FRMD3: variants seen among roughly 807,000 people sequenced by gnomAD.
FRMD3 encodes the protein FERM domain containing 3, also known as FERM domain-containing protein 3.
FRMD3 carries 33 observed loss-of-function variants against 70.2 expected under a neutral mutation model. The observed-to-expected ratio is 0.47, with a 90% CI of 0.36 to 0.63. The LOEUF is 0.63. Ranked by LOEUF, FRMD3 falls within the 20% of genes least tolerant of loss-of-function variation. The probability of loss-of-function intolerance (pLI) is 0.00; values close to 1 mark genes in which losing one functional copy is unlikely to be tolerated. For missense variants in FRMD3, 632 were observed against 711.4 expected, an observed-to-expected ratio of 0.89 and a Z score of 1.27; for synonymous variants, 279 against 255.9, an observed-to-expected ratio of 1.09 and a Z score of -0.86.
chr9:83,496,160 T>G (rs1395581591), intron 1 of FRMD3, among the ~76,000 whole-genome samples: 1 of 152,242 alleles, frequency 6.6e-6, no homozygotes, highest in Non-Finnish European at 1.5e-5. Flanking sequence ...ACACAAATTT[T>G]TTAATGGTAA....
Position 83,537,995 on chromosome 9 carries a change from G to A in FRMD3, c.147+90C>T, listed in dbSNP as rs1829936328. On this transcript the variant is annotated intron_variant, in intron 1 of 13. Transcript: ENST00000304195. The surrounding 1 kb of genome is among the most constrained non-coding windows in gnomAD (Gnocchi z 4.1). ...AGCAGTCCCCCAATCCCCTCCGGGAGTGGGTTCCTTGTTCTCGCATGCCCA... is the reference window on the plus strand; with the variant it reads ...AGCAGTCCCCCAATCCCCTCCGGGAATGGGTTCCTTGTTCTCGCATGCCCA... 2 of 1,426,094 alleles carry A rather than the reference G, an allele frequency of 1.4e-6. No homozygotes were observed. The highest frequency in any genetic ancestry group is 1.9e-6 in the Non-Finnish European group (2 of 1,035,670). The allele number at this position is 1,426,094 out of a possible 1,614,324, so 88.3% of individuals were successfully genotyped here.
chr9:83,503,820 C>G (rs757907107), intron 1 of FRMD3, among the ~76,000 whole-genome samples: 4 of 152,186 alleles, frequency 2.6e-5, no homozygotes, highest in Non-Finnish European at 5.9e-5. Context: ...TCAGAGAAGC[C>G]TGAGGAAAGC....
At chr9:83,551,285 T>G in the FRMD3 span, among the ~76,000 whole-genome samples, 1 of 152,358 alleles carries the variant, frequency 6.6e-6, no homozygotes, top group South Asian at 2.1e-4. Flanking sequence ...ATTTATTGAT[T>G]GTTGTATGTT....
the FRMD3 span, among the ~76,000 whole-genome samples, chr9:83,581,840 T>C: frequency 6.6e-6 from 1 of 152,302 alleles, no homozygotes; most frequent in Non-Finnish European, 1.5e-5. Context: ...AAAGACCACA[T>C]AGTGTATGAA....
At chr9:83,250,776 A>G (rs1015202402) in intron 13 of FRMD3, among the ~76,000 whole-genome samples, 4 of 152,156 alleles carry the variant, frequency 2.6e-5, no homozygotes, top group African/African-American at 4.8e-5. Flanking sequence ...TGGGACCCCA[A>G]TCCATTTCTC....
At position 83,478,690 on chromosome 9, in the gene FRMD3, T is replaced by C. The variant is rs149441826; in HGVS notation, c.147+59395A>G. ...TTAAGCAGTGGAACTAGAAAAGATA[T>C]GTGTACAGGAGTGTTCACAGCCACA... On this transcript the variant is annotated intron_variant, in intron 1 of 13. Coordinates refer to ENST00000304195, the MANE Select transcript of FRMD3 (RefSeq NM_174938.6). Among the ~76,000 whole-genome samples, 1,137 of 152,290 alleles carry C rather than the reference T, an allele frequency of 7.5e-3. 20 individuals are homozygous for C. The highest frequency in any genetic ancestry group is 0.026 in the African/African-American group (1,094 of 41,560).
At chr9:83,364,365 T>C (rs1670146678) in intron 3 of FRMD3, among the ~76,000 whole-genome samples, 1 of 152,186 alleles carries the variant, frequency 6.6e-6, no homozygotes, top group African/African-American at 2.4e-5. Context: ...GAGACCATCC[T>C]GGCCTACATG....
intron 1 of FRMD3, among the ~76,000 whole-genome samples, chr9:83,475,604 T>C (rs1322293977): frequency 6.6e-6 from 1 of 152,182 alleles, no homozygotes; most frequent in Non-Finnish European, 1.5e-5. Flanking sequence ...AGTTTATTAA[T>C]ACATTTTCCA....
chr9:83,319,488 C>T, intron 6 of FRMD3, among the ~76,000 whole-genome samples: 1 of 152,182 alleles, frequency 6.6e-6, no homozygotes, highest in East Asian at 1.9e-4. Flanking sequence ...GTGGCATGAT[C>T]TTGGCTCACT....
chr9:83,300,133 G>A (rs562984284), intron 10 of FRMD3, among the ~76,000 whole-genome samples: 5 of 152,322 alleles, frequency 3.3e-5, no homozygotes, highest in East Asian at 1.9e-4. Context: ...AAGTTTCAGC[G>A]CAGTGATCCC....
chr9:83,387,103 G>A (rs185787564), intron 2 of FRMD3, among the ~76,000 whole-genome samples: 1 of 152,250 alleles, frequency 6.6e-6, no homozygotes, highest in East Asian at 1.9e-4. Context: ...TTGGAAAGGA[G>A]GGGTTACTTT....
chr9:83,415,404 C>A (rs1170701424), intron 1 of FRMD3, among the ~76,000 whole-genome samples: 1 of 151,704 alleles, frequency 6.6e-6, no homozygotes, highest in African/African-American at 2.4e-5. Flanking sequence ...AGTACCACAA[C>A]CAGTAAAACT....
chr9:83,298,888 C>T, intron 11 of FRMD3, 72 bp from the exon 12 acceptor site: 1 of 1,405,844 alleles, frequency 7.1e-7, no homozygotes, highest in South Asian at 1.2e-5. Context: ...CACAAGTGTC[C>T]TTTTGTTAAC....
At chr9:83,258,476 T>C (rs1832826980) in intron 13 of FRMD3, among the ~76,000 whole-genome samples, 1 of 152,202 alleles carries the variant, frequency 6.6e-6, no homozygotes, top group Non-Finnish European at 1.5e-5. Context: ...TGGGTGATGA[T>C]CTCTAATGAT....
intron 2 of FRMD3, among the ~76,000 whole-genome samples, chr9:83,381,965 T>C (rs182219724): frequency 7.0e-4 from 106 of 152,088 alleles, no homozygotes; most frequent in African/African-American, 2.4e-3. Flanking sequence ...TGGAAAGCCA[T>C]CCTGACCCTT....
intron 1 of FRMD3, among the ~76,000 whole-genome samples, chr9:83,418,804 A>G (rs1826532807): frequency 1.3e-5 from 2 of 152,220 alleles, no homozygotes; most frequent in Non-Finnish European, 2.9e-5. Context: ...AAAAGAAGTC[A>G]TTATATGAAA....
intron 1 of FRMD3, among the ~76,000 whole-genome samples, chr9:83,420,502 A>T (rs1201497267): frequency 6.6e-6 from 1 of 152,240 alleles, no homozygotes; most frequent in Non-Finnish European, 1.5e-5. Context: ...TAATGGCAAC[A>T]GTAAACCTAA....
intron 13 of FRMD3, among the ~76,000 whole-genome samples, chr9:83,268,741 G>C (rs562759300): frequency 6.6e-6 from 1 of 152,338 alleles, no homozygotes; most frequent in East Asian, 1.9e-4. Context: ...TGTGGCTGAG[G>C]TGGGGCAGGC....
chr9:83,337,054 C>T (rs1300337108), intron 5 of FRMD3, among the ~76,000 whole-genome samples: 2 of 152,096 alleles, frequency 1.3e-5, no homozygotes, highest in African/African-American at 4.8e-5. Flanking sequence ...AATGTTAAGT[C>T]TCCACCCAAA....
Sources: gnomAD v4.1 joint callset for allele counts (sites outside exome capture counted in the v4.1 genomes callset) on GRCh38, gnomAD v4.1.1 for gene constraint, Gnocchi (gnomAD v3.1) non-coding constraint, MANE v1.5 for transcripts, NCBI Gene and HGNC (gene_info 2026-07-23, HGNC 2026-07-21) for gene names.